The following USP44 variants were observed in gnomAD, a reference collection of about 807,000 sequenced individuals.
The protein encoded by USP44 is ubiquitin carboxyl-terminal hydrolase 44.
USP44 carries 61 observed loss-of-function variants against 69.0 expected under a neutral mutation model. That is an observed-to-expected ratio of 0.88 (90% CI 0.72 to 1.09). The LOEUF is 1.09. Among genes scored for constraint, USP44 ranks in the 50% least tolerant of loss-of-function variants. The probability of loss-of-function intolerance (pLI) is 0.00; values close to 1 mark genes in which losing one functional copy is unlikely to be tolerated. For synonymous variants in USP44, 297 were observed against 295.4 expected (o/e 1.01, Z -0.06); for missense variants, 753 against 849.9 (o/e 0.89, Z 1.42).
chr12:95,518,845 A>AAG (rs1290346840), intron 5 of USP44, among the ~76,000 whole-genome samples: 2 of 152,160 alleles, frequency 1.3e-5, no homozygotes, highest in African/African-American at 4.8e-5. Flanking sequence ...AGGCTGAAGC[A>AAG]AGAGAATGGC....
intron 2 of USP44, among the ~76,000 whole-genome samples, chr12:95,530,467 A>G (rs887643629): frequency 3.3e-5 from 5 of 152,100 alleles, no homozygotes; most frequent in Non-Finnish European, 7.4e-5. Flanking sequence ...TAAAAAAAAT[A>G]AAAAATAGAA....
chr12:95,521,420 A>G (rs907500699), intron 4 of USP44, among the ~76,000 whole-genome samples: 4 of 152,220 alleles, frequency 2.6e-5, no homozygotes, highest in Non-Finnish European at 5.9e-5. Flanking sequence ...AAAAAATTTA[A>G]CTTTTGGGAA....
intron 1 of USP44, among the ~76,000 whole-genome samples, chr12:95,540,619 A>C (rs2077356858): frequency 1.3e-5 from 2 of 152,136 alleles, no homozygotes; most frequent in South Asian, 2.1e-4. Flanking sequence ...CTGGGATTAG[A>C]GGCGTGAGCC....
Position 95,533,601 on chromosome 12 carries a change from A to C in USP44, c.656T>G (p.Leu219Arg). Reference sequence around the variant, plus strand: ...TATTTCTATTATGGTCGACTGAGCGAGCCCTTGTAAACGTAAACTCTTTCT... The same window carrying C: ...TATTTCTATTATGGTCGACTGAGCGCGCCCTTGTAAACGTAAACTCTTTCT... ...PPRKSLRLQG[L>R]AQSTIIEIVS... is the part of the protein sequence containing the mutation. The change falls in exon 2 of 6, where the codon CTC becomes CGC. Residue 219 changes from leucine to arginine, a missense_variant. Coordinates refer to ENST00000258499, the MANE Select transcript of USP44 (RefSeq NM_032147.5). The C allele has an allele frequency of 1.2e-6, 2 of 1,613,828 alleles. No individual in the cohort carries two copies. The highest frequency in any genetic ancestry group is 1.7e-6 in the Non-Finnish European group (2 of 1,180,034).
intron 1 of USP44, among the ~76,000 whole-genome samples, chr12:95,539,953 T>G (rs1323899530): frequency 6.6e-6 from 1 of 152,218 alleles, no homozygotes; most frequent in Non-Finnish European, 1.5e-5. Context: ...CAGCTTATAC[T>G]CACCACAGTG....
At position 95,534,915 on chromosome 12, in the gene USP44, G is replaced by A. The variant is rs149152813; in HGVS notation, c.-70-589C>T. On this transcript the variant is annotated intron_variant, in intron 1 of 5. Transcript: ENST00000258499. ...AGGCTGGTCTTGAACTCCTGAGCTC[G>A]GGTCATCTACCCGCCTTGGCCTCCC... Among the ~76,000 whole-genome samples the A allele has an allele frequency of 9.4e-3, 1,427 of 152,130 alleles. 28 individuals are homozygous for A. The highest frequency in any genetic ancestry group is 0.033 in the African/African-American group (1,355 of 41,504).
At chr12:95,539,516 G>A (rs1309060029) in intron 1 of USP44, among the ~76,000 whole-genome samples, 5 of 152,014 alleles carry the variant, frequency 3.3e-5, no homozygotes, top group Non-Finnish European at 5.9e-5. Context: ...ATGAGTCACC[G>A]CGCCCGGCCC....
rs1316184933 is a variant in USP44 at position 95,524,696 on chromosome 12, G to A, written c.1717C>T (p.His573Tyr). 5.6e-6 allele frequency: 9 copies of A among 1,611,140 alleles called. No homozygotes were observed. The highest frequency in any genetic ancestry group is 2.2e-5 in the East Asian group (1 of 44,712). ...ACTACAGACCTGAATCGTTTGAGGT[G>A]CAGTCTGAGAACCTGAGGTAGGTGG... is the stretch of plus-strand genomic sequence containing the variant. ...ICHLPQVLRL[H>Y]LKRFRWSGRN... is the part of the protein sequence containing the mutation. Residue 573 changes from histidine (H) to tyrosine (Y), a missense_variant, in exon 4 of 6, where the codon CAC becomes TAC. Coordinates refer to ENST00000258499, the MANE Select transcript of USP44 (RefSeq NM_032147.5).
chr12:95,532,418 T>C (rs1023881268), intron 2 of USP44, among the ~76,000 whole-genome samples: 6 of 152,150 alleles, frequency 3.9e-5, no homozygotes, highest in Non-Finnish European at 8.8e-5. Context: ...TCTACCCGCC[T>C]TGGCTTCCCA....
intron 2 of USP44, among the ~76,000 whole-genome samples, chr12:95,529,954 A>T (rs1457698092): frequency 2.6e-5 from 4 of 152,226 alleles, no homozygotes; most frequent in Non-Finnish European, 4.4e-5. Flanking sequence ...AAAACACGAA[A>T]AACATGGAGC....
intron 2 of USP44, 94 bp downstream of exon 2, chr12:95,532,735 G>A (rs2077060256): frequency 1.9e-6 from 2 of 1,070,480 alleles, no homozygotes; most frequent in Non-Finnish European, 2.6e-6. Context: ...AATGGTACTA[G>A]CTCAACACAC....
At chr12:95,537,291 T>C (rs1161455565) in intron 1 of USP44, among the ~76,000 whole-genome samples, 1 of 152,162 alleles carries the variant, frequency 6.6e-6, no homozygotes, top group Non-Finnish European at 1.5e-5. Context: ...GTTAAACATG[T>C]TTCTGGCAAA....
chr12:95,531,562 CAG>C (rs1334600626), intron 2 of USP44, among the ~76,000 whole-genome samples: 1 of 152,124 alleles, frequency 6.6e-6, no homozygotes, highest in Non-Finnish European at 1.5e-5. Context: ...AAGGAAATGA[CAG>C]AGAAAGATGG....
intron 1 of USP44, among the ~76,000 whole-genome samples, chr12:95,544,267 G>C (rs2077500914): frequency 6.6e-6 from 1 of 151,726 alleles, no homozygotes; most frequent in Non-Finnish European, 1.5e-5. Flanking sequence ...GTGTTAGCCA[G>C]GATGGTCTCG....
At chr12:95,536,971 G>A (rs1219738023) in intron 1 of USP44, among the ~76,000 whole-genome samples, 1 of 152,158 alleles carries the variant, frequency 6.6e-6, no homozygotes, top group Non-Finnish European at 1.5e-5. Flanking sequence ...TAGGGCCTAT[G>A]AGCAACACAG....
Position 95,517,697 on chromosome 12 carries a change from C to CT in USP44, c.*456dup, listed in dbSNP as rs1460809129. The CT allele has an allele frequency of 6.4e-6, 1 of 155,216 alleles. No homozygotes were observed. Among genetic ancestry groups the CT allele is most frequent in the African/African-American group, 2.4e-5 (1 of 41,434 alleles). 9.6% of individuals were successfully genotyped at this position (155,216 alleles called of 1,614,324 possible). The stretch of plus-strand genomic sequence containing the variant: ...TGACTGAAGAATATTTAGGTGATAC[C>CT]TTGACATGTCACTTCAATAACTCCA... On this transcript the variant is annotated 3_prime_UTR_variant, in exon 6 of 6. Coordinates refer to ENST00000258499, the MANE Select transcript of USP44 (RefSeq NM_032147.5).
intron 3 of USP44, among the ~76,000 whole-genome samples, chr12:95,528,363 A>G (rs1442690498): frequency 6.6e-6 from 1 of 152,232 alleles, no homozygotes; most frequent in Non-Finnish European, 1.5e-5. Flanking sequence ...TGATGAAGCC[A>G]ATCTCCACAG....
At chr12:95,545,951 A>G (rs569090750) in intron 1 of USP44, among the ~76,000 whole-genome samples, 1 of 152,172 alleles carries the variant, frequency 6.6e-6, no homozygotes, top group South Asian at 2.1e-4. Context: ...AATAAAGGAC[A>G]CCCTTTTCCC....
At chr12:95,535,968 T>A (rs994178978) in intron 1 of USP44, among the ~76,000 whole-genome samples, 1 of 152,030 alleles carries the variant, frequency 6.6e-6, no homozygotes, top group Admixed American at 6.6e-5. Context: ...CGTTCCTTAA[T>A]TTTTAGGTAT....
Sources: allele counts gnomAD v4.1 joint callset (sites outside exome capture counted in the v4.1 genomes callset), GRCh38; gene constraint gnomAD v4.1.1; transcripts MANE v1.5; gene names NCBI Gene and HGNC (gene_info 2026-07-23, HGNC 2026-07-21).